Variants in EDEM2 observed in about 807,000 individuals in gnomAD.
EDEM2 encodes the protein ER degradation enhancing alpha-mannosidase like protein 2, also known as ER degradation-enhancing alpha-mannosidase-like protein 2.
In EDEM2, 39 loss-of-function variants were observed where a neutral mutation model predicts 64.8. That is an observed-to-expected ratio of 0.60 (90% CI 0.47 to 0.79). EDEM2 has a LOEUF of 0.79. EDEM2 is among the 30% of genes least tolerant of loss of function. The pLI is 0.00. For synonymous variants in EDEM2, 296 were observed against 291.5 expected, an observed-to-expected ratio of 1.02 and a Z score of -0.16; for missense variants, 609 against 731.3, an observed-to-expected ratio of 0.83 and a Z score of 1.93.
intron 9 of EDEM2, among the ~76,000 whole-genome samples, chr20:35,120,593 CTTTTTTTTTTTT>C (rs5841194): frequency 2.1e-5 from 2 of 95,104 alleles, no homozygotes; most frequent in African/African-American, 4.0e-5. Flanking sequence ...TCGGCTTCTT[CTTTTTTTTTTTT>C]TTTTTTTTTT....
At chr20:35,138,681 G>A (rs1337967963) in intron 4 of EDEM2, among the ~76,000 whole-genome samples, 2 of 150,670 alleles carry the variant, frequency 1.3e-5, no homozygotes, top group Non-Finnish European at 1.5e-5. Context: ...CCAGGTTCAC[G>A]CCGTTCTCCT....
chr20:35,124,788 T>C (rs1362765097), intron 8 of EDEM2, among the ~76,000 whole-genome samples: 1 of 152,354 alleles, frequency 6.6e-6, no homozygotes, highest in East Asian at 1.9e-4. Context: ...ATATTAATTA[T>C]CTCCATATTT....
rs1304877352 is a variant in EDEM2, at chr20:35,145,902, T to C, written c.219-884A>G. 2.0e-5 allele frequency among the ~76,000 whole-genome samples: 3 copies of C among 147,280 alleles called. No individual in the cohort carries two copies. The East Asian group carries it at 6.0e-4, about 29-fold the overall frequency. ...CTGTAATCCCAACTACTTGGGAGGC[T>C]GAGGCAGGAGAATCGCTTGAAGCCA... On this transcript the variant is annotated intron_variant, in intron 2 of 10. Coordinates refer to ENST00000374492, the MANE Select transcript of EDEM2 (RefSeq NM_018217.3).
intron 9 of EDEM2, among the ~76,000 whole-genome samples, 161 bp downstream of exon 9, chr20:35,123,729 T>C (rs1489490866): frequency 6.6e-6 from 1 of 152,128 alleles, no homozygotes; most frequent in African/African-American, 2.4e-5. Context: ...AACATGGGGA[T>C]AATTAACTCC....
chr20:35,127,210 A>AACC (rs1486669269), intron 7 of EDEM2, among the ~76,000 whole-genome samples: 1 of 152,190 alleles, frequency 6.6e-6, no homozygotes, highest in African/African-American at 2.4e-5. Flanking sequence ...AGCCATGTGG[A>AACC]ACTGTGAGTC....
intron 9 of EDEM2, among the ~76,000 whole-genome samples, chr20:35,121,650 A>G (rs1309429657): frequency 2.0e-5 from 3 of 152,226 alleles, no homozygotes; most frequent in Non-Finnish European, 4.4e-5. Context: ...CTGTGCTCCA[A>G]CACTGCTGAT....
rs2085740776 is a variant in EDEM2 at position 35,146,870 on chromosome 20, T to C, written c.173A>G (p.Asp58Gly). The change falls in exon 2 of 11, where the codon GAT (aspartate) becomes GGT (glycine). Residue 58 changes from aspartate to glycine, a missense_variant. Coordinates refer to ENST00000374492, the MANE Select transcript of EDEM2 (RefSeq NM_018217.3). ...DSYLENAFPF[D>G]ELRPLTCDGH... ...GTCACAGGTGAGAGGTCGCAGCTCA[T>C]CGAAGGGAAAGGCATTCTCCAGGTA... The C allele has an allele frequency of 1.9e-6, 3 of 1,614,114 alleles. No individual in the cohort carries two copies. The highest frequency in any genetic ancestry group is 2.5e-6 in the Non-Finnish European group (3 of 1,180,020).
chr20:35,119,059 C>T (rs2085339612), intron 9 of EDEM2, among the ~76,000 whole-genome samples: 1 of 131,778 alleles, frequency 7.6e-6, no homozygotes, highest in Admixed American at 8.4e-5. Context: ...TTTAGCTAAG[C>T]ACAGGCTGCC....
chr20:35,132,289 T>C (rs1222453932), intron 6 of EDEM2, among the ~76,000 whole-genome samples: 2 of 151,626 alleles, frequency 1.3e-5, no homozygotes, highest in African/African-American at 4.8e-5. Flanking sequence ...CCAATGTCAC[T>C]GAGTACCCTT....
intron 7 of EDEM2, 138 bp from the exon 8 acceptor site, chr20:35,126,513 G>T: frequency 9.5e-7 from 1 of 1,047,412 alleles, no homozygotes; most frequent in Non-Finnish European, 1.4e-6. Flanking sequence ...ACAAGAGCAT[G>T]GATTCTGGAG....
Position 35,147,284 on chromosome 20 carries a change from CGCA to C in EDEM2, c.-29_-27del, listed in dbSNP as rs777049069. The stretch of plus-strand genomic sequence containing the variant: ...AGAGCTCGTGTCCTCTCAGCGCCCC[CGCA>C]GCAGCAGCAGCCACTGCAACCAGTT... On this transcript the variant is annotated 5_prime_UTR_variant, in exon 1 of 11. Transcript: ENST00000374492. 46 of 1,487,234 alleles carry C rather than the reference CGCA, an allele frequency of 3.1e-5. No homozygotes were observed. The highest frequency in any genetic ancestry group is 9.4e-5 in the South Asian group (7 of 74,718). 92.1% of individuals were successfully genotyped at this position (1,487,234 alleles called of 1,614,324 possible).
At chr20:35,123,271 T>C (rs1479325603) in intron 9 of EDEM2, among the ~76,000 whole-genome samples, 1 of 152,192 alleles carries the variant, frequency 6.6e-6, no homozygotes, top group Non-Finnish European at 1.5e-5. Context: ...ACCTTGGCCT[T>C]TTCCTTCTCA....
At position 35,146,783 on chromosome 20, in the gene EDEM2, G is replaced by A. The variant is rs191773785; in HGVS notation, c.218+42C>T. 2.1e-4 allele frequency: 334 copies of A among 1,601,262 alleles called. 1 individual carries two copies. The highest frequency in any genetic ancestry group is 1.2e-5 in the Non-Finnish European group (14 of 1,174,248). On this transcript the variant is annotated intron_variant, in intron 2 of 10. Transcript: ENST00000374492. Reference sequence around the variant, plus strand: ...GCTGACCCGCCCGCCGAGGCCCAGAGAGTCAGACCCTGGCCGCCCCTTGCC... The same window carrying A: ...GCTGACCCGCCCGCCGAGGCCCAGAAAGTCAGACCCTGGCCGCCCCTTGCC...
At position 35,118,726 on chromosome 20, in the gene EDEM2, A is replaced by G; in HGVS notation, c.1115-7T>C. ...ATTGCGCTTTCAATAAGTTCTGCAA[A>G]GTCCAAAGCAGACCCTCCTCACTCA... On this transcript the variant is annotated splice_polypyrimidine_tract_variant and splice_region_variant and intron_variant, in intron 9 of 10. Transcript: ENST00000374492. 6.2e-7 allele frequency: 1 copy of G among 1,611,830 alleles called. No homozygotes were observed. Among genetic ancestry groups the G allele is most frequent in the Non-Finnish European group, 8.5e-7 (1 of 1,179,712 alleles).
intron 4 of EDEM2, among the ~76,000 whole-genome samples, chr20:35,139,385 A>G (rs567461739): frequency 2.9e-4 from 44 of 149,224 alleles, no homozygotes; most frequent in African/African-American, 9.7e-4. Context: ...ACGGTGGCTC[A>G]TGCCTGTAAT....
chr20:35,127,449 C>G (rs1318537490), intron 7 of EDEM2, among the ~76,000 whole-genome samples: 1 of 152,096 alleles, frequency 6.6e-6, no homozygotes, highest in Non-Finnish European at 1.5e-5. Flanking sequence ...TGAATTTATC[C>G]CTCATATCTC....
In EDEM2 at chr20:35,145,329, C is replaced by G. The variant is rs963792676; in HGVS notation, c.219-311G>C. On this transcript the variant is annotated intron_variant, in intron 2 of 10. Coordinates refer to ENST00000374492, the MANE Select transcript of EDEM2 (RefSeq NM_018217.3). ...AGCACAGGCCTTTCACCAATTTTCA[C>G]CTCTAGGAATTTAATTCACAGTGAA... Among the ~76,000 whole-genome samples, 50 of 152,156 alleles carry G rather than the reference C, an allele frequency of 3.3e-4. 1 individual carries two copies. Among genetic ancestry groups the G allele is most frequent in the Admixed American group, 3.2e-3 (49 of 15,274 alleles).
intron 4 of EDEM2, among the ~76,000 whole-genome samples, chr20:35,140,131 A>G (rs567541235): frequency 1.5e-3 from 221 of 152,338 alleles, no homozygotes; most frequent in African/African-American, 5.1e-3. Flanking sequence ...ATTAAAGGAA[A>G]TTCTAAAGGA....
rs532778574 is a variant in EDEM2, at chr20:35,142,391, A to C, written c.346T>G (p.Phe116Val). ...DFDIDVNASV[F>V]ETNIRVVGGL... is the part of the protein sequence containing the mutation. ...CCCTTACCTCGAATGTTTGTTTCAA[A>C]CACAGAGGCGTTCACATCAATATCA... The change falls in exon 4 of 11, where the codon TTT (phenylalanine) becomes GTT (valine). Residue 116 changes from phenylalanine (F) to valine (V), a missense_variant. Coordinates refer to ENST00000374492, the MANE Select transcript of EDEM2 (RefSeq NM_018217.3). The C allele has an allele frequency of 6.2e-7, 1 of 1,613,966 alleles. No homozygotes were observed. Among genetic ancestry groups the C allele is most frequent in the East Asian group, 2.2e-5 (1 of 44,888 alleles).
Sources: gnomAD v4.1 joint callset for allele counts (sites outside exome capture counted in the v4.1 genomes callset) on GRCh38, gnomAD v4.1.1 for gene constraint, MANE v1.5 for transcripts, NCBI Gene and HGNC (gene_info 2026-07-23, HGNC 2026-07-21) for gene names.